The following ZFAND3 variants were observed in gnomAD, a reference collection of about 807,000 sequenced individuals.
ZFAND3 encodes the protein AN1-type zinc finger protein 3.
In ZFAND3, 10 loss-of-function variants were observed where a neutral mutation model predicts 29.6. That is an observed-to-expected ratio of 0.34 (90% CI 0.21 to 0.57). The LOEUF (loss-of-function observed/expected upper bound fraction) is 0.57. Among genes scored for constraint, ZFAND3 ranks in the 20% least tolerant of loss-of-function variants. ZFAND3 has a pLI of 0.86. For missense variants in ZFAND3, 230 were observed against 304.5 expected, an observed-to-expected ratio of 0.76 and a Z score of 1.82; for synonymous variants, 128 against 112.6, an observed-to-expected ratio of 1.14 and a Z score of -0.87.
At chr6:37,844,892 C>T (rs974278405) in intron 1 of ZFAND3, among the ~76,000 whole-genome samples, 3 of 150,740 alleles carry the variant, frequency 2.0e-5, no homozygotes, top group African/African-American at 4.9e-5. Context: ...GGCGTTGTGG[C>T]GGGCGCCTAT....
intron 2 of ZFAND3, among the ~76,000 whole-genome samples, chr6:38,059,906 T>C (rs1287557837): frequency 6.6e-6 from 1 of 152,164 alleles, no homozygotes; most frequent in Non-Finnish European, 1.5e-5. Flanking sequence ...CATTCTCTAA[T>C]TGTTGGATAC....
At chr6:38,010,689 T>C (rs548889526) in intron 2 of ZFAND3, among the ~76,000 whole-genome samples, 4 of 148,574 alleles carry the variant, frequency 2.7e-5, no homozygotes, top group African/African-American at 1.0e-4. Context: ...AACCTCCGCC[T>C]CACGGGTTCA....
intron 1 of ZFAND3, among the ~76,000 whole-genome samples, chr6:37,844,795 A>G (rs1764147378): frequency 1.3e-5 from 2 of 151,580 alleles, no homozygotes; most frequent in Admixed American, 1.3e-4. Context: ...TGGGCGGATC[A>G]CGAAGTCAGG....
chr6:37,997,543 C>G (rs1034269334), intron 2 of ZFAND3, among the ~76,000 whole-genome samples: 5 of 152,170 alleles, frequency 3.3e-5, no homozygotes, highest in African/African-American at 7.2e-5. Context: ...TAGAGAGCCC[C>G]AAGCTAGTTT....
intron 1 of ZFAND3, among the ~76,000 whole-genome samples, chr6:37,879,496 A>G (rs1402684874): frequency 6.6e-6 from 1 of 152,120 alleles, no homozygotes; most frequent in Admixed American, 6.5e-5. Flanking sequence ...TGGCTGTGAA[A>G]TGGAGTTTTC....
chr6:37,921,754 C>G (rs1258011949), intron 1 of ZFAND3, among the ~76,000 whole-genome samples: 1 of 151,810 alleles, frequency 6.6e-6, no homozygotes, highest in East Asian at 1.9e-4. Flanking sequence ...TTAAAAAGTA[C>G]AACAGTGTTG....
At chr6:38,047,665 C>T (rs1282427835) in intron 2 of ZFAND3, among the ~76,000 whole-genome samples, 1 of 152,096 alleles carries the variant, frequency 6.6e-6, no homozygotes, top group Non-Finnish European at 1.5e-5. Context: ...ATTTATTTGG[C>T]TTTTATGACC....
chr6:37,939,575 G>A (rs184626979), intron 2 of ZFAND3, among the ~76,000 whole-genome samples: 4 of 152,232 alleles, frequency 2.6e-5, no homozygotes, highest in Admixed American at 1.3e-4. Context: ...AGTCCACTAC[G>A]GGAATATGTA....
intron 2 of ZFAND3, among the ~76,000 whole-genome samples, chr6:37,977,845 T>TTCCTTCCTTCCTTCCTTCCG: frequency 7.4e-6 from 1 of 135,956 alleles, no homozygotes; most frequent in Non-Finnish European, 1.6e-5. Context: ...CCTTCCTTCC[T>TTCCTTCCTTCCTTCCTTCCG]TCCTTCCTTC....
intron 2 of ZFAND3, among the ~76,000 whole-genome samples, chr6:38,024,237 C>A (rs1010133138): frequency 1.3e-5 from 2 of 152,004 alleles, no homozygotes; most frequent in Admixed American, 6.6e-5. Context: ...CTTTGGGAGG[C>A]CGAGGCGGGC....
At chr6:38,009,194 A>G (rs962789572) in intron 2 of ZFAND3, among the ~76,000 whole-genome samples, 8 of 152,236 alleles carry the variant, frequency 5.3e-5, no homozygotes, top group Non-Finnish European at 8.8e-5. Context: ...ATAGTTAAAT[A>G]AAATTTAAAG....
At chr6:38,042,037 C>T (rs1006930330) in intron 2 of ZFAND3, among the ~76,000 whole-genome samples, 5 of 150,240 alleles carry the variant, frequency 3.3e-5, no homozygotes, top group Admixed American at 1.3e-4. Flanking sequence ...AGGGTTTCAC[C>T]TTGTTGACCA....
In ZFAND3 at chr6:38,152,763, T is replaced by TA. The variant is rs1581965326; in HGVS notation, c.*377dup. The TA allele has an allele frequency of 2.0e-6, 2 of 999,534 alleles. No individual in the cohort carries two copies. Among genetic ancestry groups the TA allele is most frequent in the Non-Finnish European group, 1.2e-6 (1 of 839,538 alleles). 61.9% of individuals were successfully genotyped at this position (999,534 alleles called of 1,614,324 possible). ...TTAATAGAGGAGTAGAAGCTGGTGT[T>TA]AAAGTTCCCACGACGCACATGGCTT... is the stretch of plus-strand genomic sequence containing the variant. On this transcript the variant is annotated 3_prime_UTR_variant, in exon 6 of 6. Transcript: ENST00000287218.
intron 2 of ZFAND3, among the ~76,000 whole-genome samples, chr6:38,001,349 G>A (rs1762944940): frequency 6.6e-6 from 1 of 152,096 alleles, no homozygotes; most frequent in Non-Finnish European, 1.5e-5. Flanking sequence ...CTTCTGGAAG[G>A]CACAAGGTGC....
intron 2 of ZFAND3, among the ~76,000 whole-genome samples, chr6:38,024,952 T>C (rs1763420560): frequency 6.6e-6 from 1 of 152,246 alleles, no homozygotes; most frequent in Admixed American, 6.5e-5. Context: ...TGGTTTATTT[T>C]ATGTTCTGTG....
intron 2 of ZFAND3, among the ~76,000 whole-genome samples, chr6:37,954,444 ATCT>A (rs762362297): frequency 2.0e-4 from 31 of 152,030 alleles, no homozygotes; most frequent in Non-Finnish European, 4.1e-4. Context: ...GCAATTTCTA[ATCT>A]TCTGCTAATC....
intron 3 of ZFAND3, among the ~76,000 whole-genome samples, chr6:38,072,727 T>C (rs1292866316): frequency 6.6e-6 from 1 of 152,262 alleles, no homozygotes; most frequent in Admixed American, 6.5e-5. Context: ...TAATTGTGCT[T>C]GTGAACTTCT....
chr6:37,916,417 T>C (rs1361619657), intron 1 of ZFAND3, among the ~76,000 whole-genome samples: 12 of 151,992 alleles, frequency 7.9e-5, no homozygotes, highest in Non-Finnish European at 1.5e-4. Flanking sequence ...CCCAGCACTT[T>C]GAGAGGCCAA....
chr6:37,984,526 A>G lies in ZFAND3; in HGVS notation c.112+54527A>G, dbSNP rs374227563. 5.5e-4 allele frequency among the ~76,000 whole-genome samples: 84 copies of G among 152,338 alleles called. 2 individuals carry two copies. The East Asian group carries it at 0.011, about 20-fold the overall frequency. Reference sequence around the variant, plus strand: ...CAGTCACTCCCTTGTGAGTTCCTCTATAGTTGATGGTAGGATGTGAAGATG... The same window carrying G: ...CAGTCACTCCCTTGTGAGTTCCTCTGTAGTTGATGGTAGGATGTGAAGATG... On this transcript the variant is annotated intron_variant, in intron 2 of 5. Coordinates refer to ENST00000287218, the MANE Select transcript of ZFAND3 (RefSeq NM_021943.3).
Sources: allele counts gnomAD v4.1 joint callset (sites outside exome capture counted in the v4.1 genomes callset), GRCh38; gene constraint gnomAD v4.1.1; transcripts MANE v1.5; gene names NCBI Gene and HGNC (gene_info 2026-07-23, HGNC 2026-07-21).